ERI1: variants seen among roughly 807,000 people sequenced by gnomAD.
ERI1 encodes the protein exoribonuclease 1, also known as 3'-5' exoribonuclease 1.
ERI1 carries 39 observed loss-of-function variants against 39.7 expected under a neutral mutation model. That is an observed-to-expected ratio of 0.98 (90% CI 0.76 to 1.28). The LOEUF (loss-of-function observed/expected upper bound fraction) is 1.28. ERI1 is among the 50% of genes most tolerant of loss of function. The probability of loss-of-function intolerance (pLI) is 0.00; values close to 1 mark genes in which losing one functional copy is unlikely to be tolerated. For missense variants in ERI1, 581 were observed against 416.9 expected (o/e 1.39, Z -3.43); for synonymous variants, 204 against 149.6 (o/e 1.36, Z -2.65).
At chr8:9,072,406 C>G (rs1799081547) in intron 3 of ERI1, 1 of 152,138 alleles carries the variant, frequency 6.6e-6, no homozygotes, top group South Asian at 2.1e-4. Context: ...TATGCGCAAC[C>G]ATTACCACAG....
At chr8:9,038,356 A>T (rs545571888) in intron 3 of ERI1, among the ~76,000 whole-genome samples, 1 of 152,358 alleles carries the variant, frequency 6.6e-6, no homozygotes, top group South Asian at 2.1e-4. Flanking sequence ...CACCACATTC[A>T]CATCCAGTTT....
chr8:9,022,589 G>C (rs889171405), intron 6 of ERI1, among the ~76,000 whole-genome samples: 3 of 152,030 alleles, frequency 2.0e-5, no homozygotes, highest in Non-Finnish European at 4.4e-5. Flanking sequence ...CAGTAGAGAC[G>C]GGGTTTCGCC....
At chr8:9,068,574 A>G (rs773891400) in intron 3 of ERI1, among the ~76,000 whole-genome samples, 2 of 152,092 alleles carry the variant, frequency 1.3e-5, no homozygotes, top group African/African-American at 2.4e-5. Flanking sequence ...AGGGGTCTTT[A>G]TTGAGCACCA....
intron 3 of ERI1, among the ~76,000 whole-genome samples, chr8:9,063,329 A>C (rs1798764305): frequency 6.6e-6 from 1 of 152,174 alleles, no homozygotes; most frequent in Admixed American, 6.5e-5. Context: ...TCAGATAAAG[A>C]AAAAGCATTA....
chr8:9,026,003 A>G (rs1818436452), intron 6 of ERI1, among the ~76,000 whole-genome samples: 1 of 152,160 alleles, frequency 6.6e-6, no homozygotes, highest in South Asian at 2.1e-4. Context: ...TGTCTCAGCC[A>G]CTGATATGGA....
intron 2 of ERI1, chr8:9,009,021 C>T (rs1816375402): frequency 2.2e-6 from 1 of 456,100 alleles, no homozygotes; most frequent in Non-Finnish European, 4.4e-6. Context: ...CCGATTCTTT[C>T]TGTTATGAAG....
chr8:9,036,473 CT>C (rs1333292831), downstream of ERI1, among the ~76,000 whole-genome samples: 1 of 152,154 alleles, frequency 6.6e-6, no homozygotes, highest in East Asian at 1.9e-4. Context: ...GAAATTTAAT[CT>C]TTAAGGTATA....
Position 9,068,345 on chromosome 8 carries a change from C to T in ERI1, n.299+47881C>T, listed in dbSNP as rs113395712. ...TAGTAGAGGTTCTCTTTCTCTCTCT[C>T]TCCTTTTTGGAGACAGAGTCTCATT... On this transcript the variant is annotated intron_variant and non_coding_transcript_variant, in intron 3 of 3. Coordinates refer to the ERI1 transcript ENST00000518663. Among the ~76,000 whole-genome samples the T allele has an allele frequency of 8.4e-3, 1,275 of 152,278 alleles. 17 individuals carry two copies. Among genetic ancestry groups the T allele is most frequent in the African/African-American group, 0.03 (1,233 of 41,548 alleles).
At chr8:9,065,773 TCTC>T (rs545784196) in intron 3 of ERI1, among the ~76,000 whole-genome samples, 185 of 148,698 alleles carry the variant, frequency 1.2e-3, no homozygotes, top group African/African-American at 4.4e-3. Context: ...TACTAACAAA[TCTC>T]CTTTTAAAAT....
At chr8:9,084,395 G>T (rs951547969) in intron 3 of ERI1, among the ~76,000 whole-genome samples, 4 of 152,026 alleles carry the variant, frequency 2.6e-5, no homozygotes, top group Admixed American at 1.3e-4. Flanking sequence ...CCTTTTCTTT[G>T]CCCGTAGTGG....
At chr8:9,060,278 G>A (rs1472003320) in intron 3 of ERI1, among the ~76,000 whole-genome samples, 1 of 152,180 alleles carries the variant, frequency 6.6e-6, no homozygotes, top group Non-Finnish European at 1.5e-5. Flanking sequence ...AATGACCGCG[G>A]TGGCCTTCTC....
chr8:9,070,273 G>T (rs1799007482), intron 3 of ERI1, among the ~76,000 whole-genome samples: 1 of 151,144 alleles, frequency 6.6e-6, no homozygotes, highest in South Asian at 2.1e-4. Context: ...AAACTAAAAA[G>T]ACTATTAAAA....
At chr8:9,026,659 A>T (rs1412989666) in intron 6 of ERI1, among the ~76,000 whole-genome samples, 1 of 152,188 alleles carries the variant, frequency 6.6e-6, no homozygotes, top group Non-Finnish European at 1.5e-5. Flanking sequence ...CAAAAATCTG[A>T]AACTTTCTGG....
intron 6 of ERI1, among the ~76,000 whole-genome samples, chr8:9,029,414 C>T (rs1797425641): frequency 6.6e-6 from 1 of 152,052 alleles, no homozygotes; most frequent in Non-Finnish European, 1.5e-5. Context: ...CTGCAGCCTC[C>T]ACCTCCCAGG....
chr8:9,035,184 C>G (rs1042577346), downstream of ERI1, among the ~76,000 whole-genome samples: 1 of 152,142 alleles, frequency 6.6e-6, no homozygotes, highest in African/African-American at 2.4e-5. Context: ...AGTTATCTAG[C>G]TAAGATCTAG....
intron 3 of ERI1, among the ~76,000 whole-genome samples, chr8:9,096,545 G>T (rs185302360): frequency 3.3e-5 from 5 of 152,238 alleles, no homozygotes; most frequent in Admixed American, 3.3e-4. Context: ...TCACTGTGAG[G>T]ATGATCAGGA....
chr8:9,049,441 G>T (rs556952451), intron 3 of ERI1, among the ~76,000 whole-genome samples: 1 of 151,376 alleles, frequency 6.6e-6, no homozygotes, highest in African/African-American at 2.4e-5. Context: ...ATCTGACAGG[G>T]TTGCTGAGGT....
At chr8:9,038,178 A>T (rs1797910884), downstream of ERI1, among the ~76,000 whole-genome samples, 1 of 152,244 alleles carries the variant, frequency 6.6e-6, no homozygotes, top group Admixed American at 6.5e-5. Context: ...TAGAAAATAC[A>T]TAAAGGCTTT....
chr8:9,056,435 A>G (rs970191326), intron 3 of ERI1, among the ~76,000 whole-genome samples: 15 of 152,244 alleles, frequency 9.9e-5, no homozygotes, highest in African/African-American at 3.6e-4. Context: ...AGCCGTGTAT[A>G]GTTTGCTTAA....
Sources: gnomAD v4.1 joint callset for allele counts (sites outside exome capture counted in the v4.1 genomes callset) on GRCh38, gnomAD v4.1.1 for gene constraint, MANE v1.5 for transcripts, NCBI Gene and HGNC (gene_info 2026-07-23, HGNC 2026-07-21) for gene names.